The following SCG3 variants were observed in gnomAD, a reference collection of about 807,000 sequenced individuals.
SCG3 encodes the protein secretogranin III, also known as secretogranin-3.
In SCG3, 38 loss-of-function variants were observed where a neutral mutation model predicts 56.2. The ratio of observed to expected loss-of-function variants is 0.68; its 90% CI spans 0.52 to 0.89. The LOEUF (loss-of-function observed/expected upper bound fraction) is 0.89. SCG3 is among the 40% of genes least tolerant of loss of function. The pLI is 0.00. For synonymous variants in SCG3, 176 were observed against 184.2 expected (o/e 0.96, Z 0.36); for missense variants, 524 against 540.7 (o/e 0.97, Z 0.31).
chr15:51,713,697 C>T (rs551653466), intron 11 of SCG3, among the ~76,000 whole-genome samples: 3 of 152,328 alleles, frequency 2.0e-5, no homozygotes, highest in African/African-American at 4.8e-5. Context: ...GTCTCCAGCA[C>T]CCATCTTCAA....
intron 10 of SCG3, 135 bp downstream of exon 10, chr15:51,701,379 C>A: frequency 2.4e-6 from 2 of 833,196 alleles, no homozygotes; most frequent in Non-Finnish European, 3.5e-6. Flanking sequence ...ACAGGCTTGG[C>A]ATGTGGTATC....
chr15:51,712,304 T>G (rs2055425567), intron 10 of SCG3, among the ~76,000 whole-genome samples: 1 of 152,224 alleles, frequency 6.6e-6, no homozygotes, highest in African/African-American at 2.4e-5. Flanking sequence ...CACTGAGCTC[T>G]GCAGCTATTG....
At position 51,701,157 on chromosome 15, in the gene SCG3, G is replaced by A. The variant is rs937690358; in HGVS notation, c.1120G>A (p.Ala374Thr). 6 of 1,613,752 alleles carry A rather than the reference G, an allele frequency of 3.7e-6. No individual in the cohort carries two copies. The highest frequency in any genetic ancestry group is 3.4e-6 in the Non-Finnish European group (4 of 1,179,906). The change falls in exon 10 of 12, where the codon GCT (alanine) becomes ACT (threonine). Residue 374 changes from alanine to threonine, a missense_variant. Transcript: ENST00000220478. ...EETDSTKEEA[A>T]KMEKEYGSLK... ...AACAGACAGTACCAAGGAAGAAGCA[G>A]CTAAGATGGAAAAGGAATATGGAAG...
Position 51,683,133 on chromosome 15 carries a change from A to C in SCG3, c.181+9A>C. 1 of 1,607,306 alleles carries C rather than the reference A, an allele frequency of 6.2e-7. No homozygotes were observed. Among genetic ancestry groups the C allele is most frequent in the Non-Finnish European group, 8.5e-7 (1 of 1,176,076 alleles). ...AAAAACATATCCTCCAGGTAAAAAG[A>C]AATCATATTGATGTTAATTTAAATA... is the stretch of plus-strand genomic sequence containing the variant. On this transcript the variant is annotated intron_variant, in intron 3 of 11. Transcript: ENST00000220478.
rs753818758 is a variant in SCG3 at position 51,706,029 on chromosome 15, G to GA, written c.1207+4794dup. Among the ~76,000 whole-genome samples, 44 of 151,000 alleles carry GA rather than the reference G, an allele frequency of 2.9e-4. No individual in the cohort carries two copies. The East Asian group carries it at 4.8e-3, about 17-fold the overall frequency. Reference sequence around the variant, plus strand: ...TAAGCCAAGGACCAGCAATTTCTAGGAAAAAAAAATGTATTAATCCCCAAA... The same window carrying GA: ...TAAGCCAAGGACCAGCAATTTCTAGGAAAAAAAAAATGTATTAATCCCCAAA... On this transcript the variant is annotated intron_variant, in intron 10 of 11. Transcript: ENST00000220478.
rs115930191 is a variant in SCG3, at chr15:51,694,611, T to C, written c.869-1264T>C. Among the ~76,000 whole-genome samples the C allele has an allele frequency of 2.3e-3, 354 of 152,350 alleles. 4 individuals are homozygous for C. The highest frequency in any genetic ancestry group is 8.3e-3 in the African/African-American group (346 of 41,594). The stretch of plus-strand genomic sequence containing the variant: ...GGTTCCCCCTCTAGCATCTTAGTTT[T>C]TCTTTTCTTCAAAAATGGAAACAGA... On this transcript the variant is annotated intron_variant, in intron 7 of 11. Coordinates refer to ENST00000220478, the MANE Select transcript of SCG3 (RefSeq NM_013243.4).
intron 8 of SCG3, among the ~76,000 whole-genome samples, chr15:51,698,942 T>C (rs2055321668): frequency 6.6e-6 from 1 of 152,216 alleles, no homozygotes; most frequent in Non-Finnish European, 1.5e-5. Context: ...TCAAATGTTC[T>C]GAGAGTGAGC....
In SCG3 at chr15:51,719,498, C is replaced by A; in HGVS notation, c.1379C>A (p.Ala460Asp). The A allele has an allele frequency of 1.9e-6, 3 of 1,613,826 alleles. No homozygotes were observed. Residue 460 changes from alanine (A) to aspartate (D), a missense_variant, in exon 12 of 12, where the codon GCC (alanine) becomes GAC (aspartate). By Grantham distance (126) the Ala-to-Asp change is moderately radical. Coordinates refer to ENST00000220478, the MANE Select transcript of SCG3 (RefSeq NM_013243.4). ...KGILDKEEAE[A>D]IKRIYSSL ...ATCCTTGACAAGGAAGAAGCCGAGG[C>A]CATCAAGCGCATTTATAGCAGCCTG...
chr15:51,689,896 A>G (rs1018574666), intron 6 of SCG3, among the ~76,000 whole-genome samples: 1 of 152,236 alleles, frequency 6.6e-6, no homozygotes, highest in South Asian at 2.1e-4. Context: ...ATTATGTTAT[A>G]TTCTATTATT....
At chr15:51,688,584 A>G (rs1383230325) in intron 5 of SCG3, among the ~76,000 whole-genome samples, 182 bp downstream of exon 5, 1 of 152,108 alleles carries the variant, frequency 6.6e-6, no homozygotes, top group East Asian at 1.9e-4. Context: ...CATCCATCAG[A>G]AGAACTAGGC....
intron 10 of SCG3, among the ~76,000 whole-genome samples, chr15:51,704,794 T>TATATATATAC (rs1461091125): frequency 1.4e-5 from 2 of 140,430 alleles, no homozygotes; most frequent in East Asian, 2.0e-4. Context: ...TATATATATA[T>TATATATATAC]ACATCTCTCT....
chr15:51,710,386 A>G (rs1216847828), intron 10 of SCG3, among the ~76,000 whole-genome samples: 1 of 152,238 alleles, frequency 6.6e-6, no homozygotes, highest in African/African-American at 2.4e-5. Context: ...GTTATAACCC[A>G]TAAGATACTA....
chr15:51,703,689 G>C (rs2055352560), intron 10 of SCG3, among the ~76,000 whole-genome samples: 1 of 152,270 alleles, frequency 6.6e-6, no homozygotes, highest in South Asian at 2.1e-4. Context: ...CCAAACCTGG[G>C]TTATATAAGT....
At chr15:51,711,995 G>A (rs1288897615) in intron 10 of SCG3, among the ~76,000 whole-genome samples, 1 of 152,184 alleles carries the variant, frequency 6.6e-6, no homozygotes, top group Non-Finnish European at 1.5e-5. Context: ...TTAGGGCAGT[G>A]TTATTGTACA....
intron 10 of SCG3, among the ~76,000 whole-genome samples, chr15:51,706,555 TG>T (rs1388050834): frequency 1.3e-5 from 2 of 152,148 alleles, no homozygotes; most frequent in African/African-American, 4.8e-5. Flanking sequence ...CAGAACACAT[TG>T]GCAGGAATAT....
chr15:51,718,701 T>C (rs1290558347), intron 11 of SCG3, among the ~76,000 whole-genome samples: 2 of 152,198 alleles, frequency 1.3e-5, no homozygotes, highest in Non-Finnish European at 2.9e-5. Flanking sequence ...ATCTTTATTT[T>C]TGGTGGGTGT....
At chr15:51,682,257 T>C (rs768584969) in intron 1 of SCG3, among the ~76,000 whole-genome samples, 3 of 151,826 alleles carry the variant, frequency 2.0e-5, no homozygotes, top group Non-Finnish European at 4.4e-5. Flanking sequence ...GTTAGAACTA[T>C]ATGTTAAATT....
intron 4 of SCG3, among the ~76,000 whole-genome samples, chr15:51,684,892 A>G (rs879340665): frequency 3.9e-5 from 6 of 152,254 alleles, no homozygotes; most frequent in Admixed American, 1.3e-4. Flanking sequence ...ATGAAATAAT[A>G]TATGAGGGAA....
chr15:51,709,694 TATA>T (rs2055403195), intron 10 of SCG3, among the ~76,000 whole-genome samples: 4 of 17,832 alleles, frequency 2.2e-4, no homozygotes, highest in African/African-American at 6.0e-4. Context: ...TATATATATA[TATA>T]TATATTTTTT....
Sources: allele counts gnomAD v4.1 joint callset (sites outside exome capture counted in the v4.1 genomes callset), GRCh38; gene constraint gnomAD v4.1.1; transcripts MANE v1.5; gene names NCBI Gene and HGNC (gene_info 2026-07-23, HGNC 2026-07-21).